HEPHL1: variants seen among roughly 807,000 people sequenced by gnomAD.
HEPHL1 encodes the protein hephaestin like 1.
In HEPHL1, 123 loss-of-function variants were observed where a neutral mutation model predicts 122.0. That is an observed-to-expected ratio of 1.01 (90% confidence interval 0.87 to 1.17). The LOEUF is 1.17. Ranked by LOEUF, HEPHL1 falls within the 50% of genes most tolerant of loss-of-function variation. The pLI is 0.00. For synonymous variants in HEPHL1, 527 were observed against 508.9 expected, an observed-to-expected ratio of 1.04 and a Z score of -0.48; for missense variants, 1,452 against 1,430.5, an observed-to-expected ratio of 1.01 and a Z score of -0.24.
At chr11:94,063,478 A>G in intron 2 of HEPHL1, 30 bp from the exon 3 acceptor site, 1 of 1,500,478 alleles carries the variant, frequency 6.7e-7, no homozygotes, top group Non-Finnish European at 9.1e-7. Context: ...ACTATGTTTT[A>G]CCTTTTTTTT....
chr11:94,078,542 T>C (rs988366505), intron 9 of HEPHL1, among the ~76,000 whole-genome samples: 7 of 149,882 alleles, frequency 4.7e-5, no homozygotes, highest in Non-Finnish European at 8.9e-5. Flanking sequence ...TGGAGACTGA[T>C]AGATCTCAGC....
At chr11:94,051,012 A>C (rs1290064801) in intron 2 of HEPHL1, among the ~76,000 whole-genome samples, 1 of 152,060 alleles carries the variant, frequency 6.6e-6, no homozygotes, top group African/African-American at 2.4e-5. Context: ...ATAGTACTCC[A>C]TTGTGTATAT....
chr11:94,099,940 C>T (rs1306771145), intron 13 of HEPHL1, among the ~76,000 whole-genome samples: 1 of 152,130 alleles, frequency 6.6e-6, no homozygotes, highest in Non-Finnish European at 1.5e-5. Flanking sequence ...AAAGGGAATT[C>T]CCTGACCCCT....
intron 2 of HEPHL1, among the ~76,000 whole-genome samples, chr11:94,063,048 G>A (rs1219464342): frequency 6.6e-6 from 1 of 152,140 alleles, no homozygotes; most frequent in Admixed American, 6.6e-5. Flanking sequence ...CAGGAAGAAT[G>A]TCTTACACTT....
rs761921362 is a variant in HEPHL1, at chr11:94,067,757, A to C, written c.1063+7A>C. ...GTCAGCGACCACCTACAAGGTAAAA[A>C]GGATAAAGACCAGAGTTGATATGTT... On this transcript the variant is annotated splice_region_variant and intron_variant, in intron 5 of 19. Coordinates refer to ENST00000315765, the MANE Select transcript of HEPHL1 (RefSeq NM_001098672.2). The C allele has an allele frequency of 9.9e-6, 16 of 1,612,880 alleles. No homozygotes were observed. Among genetic ancestry groups the C allele is most frequent in the Middle Eastern group, 1.6e-4 (1 of 6,074 alleles).
chr11:94,091,342 G>A (rs1383965970), intron 12 of HEPHL1, among the ~76,000 whole-genome samples: 1 of 152,190 alleles, frequency 6.6e-6, no homozygotes, highest in Non-Finnish European at 1.5e-5. Flanking sequence ...CCATGAGGTA[G>A]AGGAATTATT....
At chr11:94,041,017 C>T (rs1945772216) in intron 1 of HEPHL1, among the ~76,000 whole-genome samples, 1 of 116,772 alleles carries the variant, frequency 8.6e-6, no homozygotes, top group Admixed American at 8.5e-5. Flanking sequence ...TAAGCAACTT[C>T]AGCAAACTCT....
chr11:94,081,855 G>A (rs990544324), intron 9 of HEPHL1, among the ~76,000 whole-genome samples: 4 of 152,228 alleles, frequency 2.6e-5, no homozygotes, highest in African/African-American at 4.8e-5. Context: ...GGTAAAGTGA[G>A]TGAGTTTCTG....
chr11:94,070,662 A>G (rs919520912), intron 6 of HEPHL1, 120 bp downstream of exon 6: 2 of 768,522 alleles, frequency 2.6e-6, no homozygotes, highest in South Asian at 4.1e-5. Flanking sequence ...CATAGATGGC[A>G]TAATGTAGCT....
chr11:94,109,560 G>A (rs1297622137), intron 17 of HEPHL1, among the ~76,000 whole-genome samples: 1 of 152,200 alleles, frequency 6.6e-6, no homozygotes, highest in Admixed American at 6.5e-5. Context: ...ATCAACAAAT[G>A]TTAAATTCTA....
Position 94,111,579 on chromosome 11 carries a change from C to G in HEPHL1, c.3251C>G (p.Ser1084Cys), listed in dbSNP as rs1212871764. ...TCCACCACATCTCCTGGAGTGGCATCTCACCCAGCCACGGTGCCATCTAAC... is the reference window on the plus strand; with the variant it reads ...TCCACCACATCTCCTGGAGTGGCATGTCACCCAGCCACGGTGCCATCTAAC... ...PYSTTSPGVASHPATVPSNER... is the reference protein window; with the variant it reads ...PYSTTSPGVACHPATVPSNER... Residue 1084 changes from serine (S) to cysteine (C), a missense_variant, in exon 19 of 20, where the codon TCT becomes TGT. Coordinates refer to ENST00000315765, the MANE Select transcript of HEPHL1 (RefSeq NM_001098672.2). The G allele has an allele frequency of 6.2e-7, 1 of 1,605,962 alleles. No homozygotes were observed. Among genetic ancestry groups the G allele is most frequent in the Non-Finnish European group, 8.5e-7 (1 of 1,176,034 alleles).
At position 94,082,624 on chromosome 11, in the gene HEPHL1, A is replaced by G. The variant is rs118179898; in HGVS notation, c.1867+56A>G. The G allele has an allele frequency of 5.4e-3, 8,171 of 1,502,112 alleles. 45 individuals are homozygous for G. The highest frequency in any genetic ancestry group is 6.5e-3 in the Non-Finnish European group (7,164 of 1,100,388). 93.0% of individuals were successfully genotyped at this position (1,502,112 alleles called of 1,614,324 possible). A position where few individuals can be genotyped will look rare whatever the true frequency, so the allele number is the denominator to read the frequency against. ...GAAAGGCTGACTTGCATTAGAAGTG[A>G]AAATGATTGGTGTGTTTGAATTATA... is the stretch of plus-strand genomic sequence containing the variant. On this transcript the variant is annotated intron_variant, in intron 10 of 19. Coordinates refer to ENST00000315765, the MANE Select transcript of HEPHL1 (RefSeq NM_001098672.2).
intron 2 of HEPHL1, among the ~76,000 whole-genome samples, chr11:94,054,320 T>G (rs981411442): frequency 6.6e-6 from 1 of 152,164 alleles, no homozygotes; most frequent in African/African-American, 2.4e-5. Flanking sequence ...GAAAGAAGTC[T>G]TCAACAGGAC....
chr11:94,046,001 A>G, intron 2 of HEPHL1, 84 bp downstream of exon 2: 1 of 1,171,242 alleles, frequency 8.5e-7, no homozygotes, highest in Non-Finnish European at 1.2e-6. Context: ...TTTTAGGAGC[A>G]CATTGATTAC....
In HEPHL1 at chr11:94,073,018, T is replaced by A. The variant is rs1565354907; in HGVS notation, c.1233-7T>A. 6.2e-7 allele frequency: 1 copy of A among 1,611,474 alleles called. No homozygotes were observed. ...GTGTCCTCAATCACATTCCTATGTCTTTTCAGTGACTCTGATCTCTACTTC... is the reference window on the plus strand; with the variant it reads ...GTGTCCTCAATCACATTCCTATGTCATTTCAGTGACTCTGATCTCTACTTC... On this transcript the variant is annotated splice_region_variant and splice_polypyrimidine_tract_variant and intron_variant, in intron 6 of 19. Transcript: ENST00000315765.
chr11:94,086,189 G>A lies in HEPHL1; in HGVS notation c.2080G>A (p.Gly694Ser). ...TTAFMQPDHAGIFRVFCATMP... is the reference protein window; with the variant it reads ...TTAFMQPDHASIFRVFCATMP... ...AGCATTCATGCAGCCAGACCATGCAGGTAAACTTGCTGGGTCCATCTCAGG... is the reference window on the plus strand; with the variant it reads ...AGCATTCATGCAGCCAGACCATGCAAGTAAACTTGCTGGGTCCATCTCAGG... The change falls in exon 11 of 20, where the codon GGT becomes AGT. Residue 694 changes from glycine to serine, a missense_variant and splice_region_variant. Coordinates refer to ENST00000315765, the MANE Select transcript of HEPHL1 (RefSeq NM_001098672.2). The A allele has an allele frequency of 6.2e-7, 1 of 1,606,260 alleles. No individual in the cohort carries two copies. Among genetic ancestry groups the A allele is most frequent in the Non-Finnish European group, 8.5e-7 (1 of 1,176,540 alleles).
intron 4 of HEPHL1, among the ~76,000 whole-genome samples, chr11:94,065,719 C>A (rs1262207667): frequency 1.3e-5 from 2 of 152,184 alleles, no homozygotes; most frequent in Non-Finnish European, 2.9e-5. Context: ...AATGCATATC[C>A]TTTACAAAAT....
intron 1 of HEPHL1, among the ~76,000 whole-genome samples, chr11:94,038,013 A>G (rs1945741750): frequency 6.8e-6 from 1 of 147,482 alleles, no homozygotes; most frequent in Non-Finnish European, 1.5e-5. Context: ...ACCAATACAG[A>G]GAAGTGCTTA....
chr11:94,029,838 A>G (rs900717262), intron 1 of HEPHL1, among the ~76,000 whole-genome samples: 1 of 152,158 alleles, frequency 6.6e-6, no homozygotes, highest in Admixed American at 6.5e-5. Flanking sequence ...GCCCCTCCTG[A>G]TACTTATTTT....
Sources: allele counts gnomAD v4.1 joint callset (sites outside exome capture counted in the v4.1 genomes callset), GRCh38; gene constraint gnomAD v4.1.1; transcripts MANE v1.5; gene names NCBI Gene and HGNC (gene_info 2026-07-23, HGNC 2026-07-21).